GRIN2A: variants seen among roughly 807,000 people sequenced by gnomAD.
GRIN2A encodes the protein glutamate ionotropic receptor NMDA type subunit 2A.
Under a neutral mutation model 113.4 loss-of-function variants are expected in GRIN2A, and 22 were observed. The ratio of observed to expected loss-of-function variants is 0.19; its 90% CI spans 0.14 to 0.28. GRIN2A has a LOEUF of 0.28. GRIN2A is among the 10% of genes least tolerant of loss of function. GRIN2A has a pLI of 1.00. For synonymous variants in GRIN2A, 827 were observed against 738.4 expected (o/e 1.12, Z -1.94); for missense variants, 1,502 against 1,887.0 (o/e 0.80, Z 3.78).
At chr16:10,055,072 AAAAAAAAAAAAAAGAAAAAAGAAAG>A (rs1567266376) in intron 2 of GRIN2A, among the ~76,000 whole-genome samples, 6 of 77,434 alleles carry the variant, frequency 7.7e-5, no homozygotes, top group African/African-American at 3.2e-4. Context: ...AAAAAAAAAA[AAAAAAAAAAAAAAGAAAAAAGAAAG>A]AAAGAAAGAA....
In GRIN2A at chr16:10,059,292, G is replaced by C. The variant is rs78282660; in HGVS notation, c.414+120706C>G. On this transcript the variant is annotated intron_variant, in intron 2 of 12. Transcript: ENST00000330684. ...AGATCTACATTATATTGTTTTAAAA[G>C]ATTTCTTTGGACACTGAATAGAGAA... Among the ~76,000 whole-genome samples the C allele has an allele frequency of 1.8e-3, 273 of 151,070 alleles. 2 individuals carry two copies. Among genetic ancestry groups the C allele is most frequent in the Middle Eastern group, 6.8e-3 (2 of 294 alleles).
chr16:9,981,020 AATATT>A (rs1397054860), intron 2 of GRIN2A, among the ~76,000 whole-genome samples: 4 of 149,214 alleles, frequency 2.7e-5, no homozygotes, highest in African/African-American at 9.9e-5. Flanking sequence ...AAATAAATAA[AATATT>A]ATATTAGGAA....
intron 8 of GRIN2A, among the ~76,000 whole-genome samples, chr16:9,830,375 A>G (rs886861301): frequency 1.3e-5 from 2 of 152,002 alleles, no homozygotes; most frequent in African/African-American, 4.8e-5. Flanking sequence ...CTTGCAACAG[A>G]CTTAACTAAA....
At chr16:10,125,296 C>A (rs1306496709) in intron 2 of GRIN2A, among the ~76,000 whole-genome samples, 1 of 152,104 alleles carries the variant, frequency 6.6e-6, no homozygotes, top group Admixed American at 6.5e-5. Flanking sequence ...TTTTTTCAAA[C>A]TTTTTGCATT....
intron 2 of GRIN2A, among the ~76,000 whole-genome samples, chr16:9,963,176 G>A (rs932713416): frequency 4.7e-5 from 7 of 150,114 alleles, no homozygotes; most frequent in East Asian, 4.0e-4. Flanking sequence ...GCTAAATGAC[G>A]AGTTAATGGG....
At chr16:10,160,120 G>A (rs531117257) in intron 2 of GRIN2A, among the ~76,000 whole-genome samples, 1 of 152,300 alleles carries the variant, frequency 6.6e-6, no homozygotes, top group Non-Finnish European at 1.5e-5. Flanking sequence ...GTTTCCTTCA[G>A]CCACCATGTT....
chr16:9,896,692 A>C (rs937343761), intron 3 of GRIN2A, among the ~76,000 whole-genome samples: 1 of 152,094 alleles, frequency 6.6e-6, no homozygotes, highest in South Asian at 2.1e-4. Context: ...GGAAAAAAAA[A>C]CCTCTAACAG....
chr16:9,986,633 C>T (rs550980778), intron 2 of GRIN2A, among the ~76,000 whole-genome samples: 3 of 151,854 alleles, frequency 2.0e-5, no homozygotes, highest in South Asian at 2.1e-4. Flanking sequence ...GGCGTGCTGG[C>T]GGGTGCCTGT....
chr16:10,111,798 C>G, intron 2 of GRIN2A: 1 of 1,388,448 alleles, frequency 7.2e-7, no homozygotes, highest in Non-Finnish European at 1.0e-6. Flanking sequence ...GGCATGGCTT[C>G]TCTTGCATCC....
chr16:10,181,838 C>T (rs1480693288), intron 1 of GRIN2A, 39 bp downstream of exon 1: 2 of 153,304 alleles, frequency 1.3e-5, no homozygotes, highest in Non-Finnish European at 2.9e-5. Flanking sequence ...TCTCCCTCCT[C>T]CCCGGCCCAA....
At chr16:10,050,359 A>T (rs1443955245) in intron 2 of GRIN2A, among the ~76,000 whole-genome samples, 2 of 152,154 alleles carry the variant, frequency 1.3e-5, no homozygotes, top group Non-Finnish European at 2.9e-5. Context: ...GGTGAGCGGC[A>T]GGTGAGCAAG....
chr16:10,135,264 A>G, intron 2 of GRIN2A, among the ~76,000 whole-genome samples: 1 of 152,162 alleles, frequency 6.6e-6, no homozygotes, highest in East Asian at 1.9e-4. Context: ...TTTCAATAAC[A>G]TTTCCTTCGT....
At chr16:9,794,002 C>T (rs1186898842) in intron 11 of GRIN2A, among the ~76,000 whole-genome samples, 5 of 152,170 alleles carry the variant, frequency 3.3e-5, no homozygotes, top group African/African-American at 4.8e-5. Context: ...TCAGTGCCTA[C>T]GAAAACATCT....
chr16:9,864,712 C>T (rs2043132045), intron 4 of GRIN2A, among the ~76,000 whole-genome samples: 1 of 152,100 alleles, frequency 6.6e-6, no homozygotes, highest in South Asian at 2.1e-4. Flanking sequence ...GTTACAGAAC[C>T]TGGAGGTATC....
At position 9,809,462 on chromosome 16, in the gene GRIN2A, TA is replaced by T. The variant is rs1326693385; in HGVS notation, c.2169-10999del. Among the ~76,000 whole-genome samples the T allele has an allele frequency of 4.0e-5, 6 of 151,538 alleles. No homozygotes were observed. The East Asian group carries it at 1.2e-3, about 29-fold the overall frequency. On this transcript the variant is annotated intron_variant, in intron 10 of 12. Coordinates refer to ENST00000330684, the MANE Select transcript of GRIN2A (RefSeq NM_001134407.3). ...CAAAAACATATGCAAATGCATATAATAAAAGTCTTGGAGAAATGGAACGTAC... is the reference window on the plus strand; with the variant it reads ...CAAAAACATATGCAAATGCATATAATAAAGTCTTGGAGAAATGGAACGTAC...
At chr16:10,117,278 C>A (rs1229142266) in intron 2 of GRIN2A, among the ~76,000 whole-genome samples, 1 of 152,028 alleles carries the variant, frequency 6.6e-6, no homozygotes, top group Admixed American at 6.6e-5. Context: ...TAGAAAATAC[C>A]AAGTCTTTTC....
intron 3 of GRIN2A, among the ~76,000 whole-genome samples, chr16:9,937,435 C>T (rs2044737338): frequency 1.3e-5 from 2 of 152,176 alleles, no homozygotes. Flanking sequence ...GCTTATTTCA[C>T]ACTGCACGCC....
At chr16:9,794,695 A>G (rs1902859534) in intron 11 of GRIN2A, 1 of 152,224 alleles carries the variant, frequency 6.6e-6, no homozygotes. Flanking sequence ...GCCAGAACAG[A>G]AAATATCGAT....
chr16:10,068,475 G>A (rs2047690826), intron 2 of GRIN2A, among the ~76,000 whole-genome samples: 1 of 152,180 alleles, frequency 6.6e-6, no homozygotes, highest in Admixed American at 6.6e-5. Flanking sequence ...AGTCTTGGGG[G>A]GAAGTGCTAT....
Sources: gnomAD v4.1 joint callset for allele counts (sites outside exome capture counted in the v4.1 genomes callset) on GRCh38, gnomAD v4.1.1 for gene constraint, MANE v1.5 for transcripts, NCBI Gene and HGNC (gene_info 2026-07-23, HGNC 2026-07-21) for gene names.